The following GUCY1A2 variants were observed in gnomAD, a reference collection of about 807,000 sequenced individuals.
The protein encoded by GUCY1A2 is guanylate cyclase 1 soluble subunit alpha 2.
Under a neutral mutation model 63.5 loss-of-function variants are expected in GUCY1A2, and 27 were observed. That is an observed-to-expected ratio of 0.43 (90% CI 0.31 to 0.59). The LOEUF (loss-of-function observed/expected upper bound fraction) is 0.59. Ranked by LOEUF, GUCY1A2 falls within the 20% of genes least tolerant of loss-of-function variation. The probability of loss-of-function intolerance (pLI) is 0.11; values close to 1 mark genes in which losing one functional copy is unlikely to be tolerated. For missense variants in GUCY1A2, 768 were observed against 913.3 expected (o/e 0.84, Z 2.05); for synonymous variants, 364 against 343.5 (o/e 1.06, Z -0.66).
chr11:106,758,382 T>G (rs983518345), intron 6 of GUCY1A2, among the ~76,000 whole-genome samples: 1 of 152,138 alleles, frequency 6.6e-6, no homozygotes, highest in Non-Finnish European at 1.5e-5. Context: ...GAGTGTATCA[T>G]TCCTCCCAGT....
At chr11:106,996,286 C>A (rs951880217) in intron 1 of GUCY1A2, among the ~76,000 whole-genome samples, 3 of 152,150 alleles carry the variant, frequency 2.0e-5, no homozygotes, top group Non-Finnish European at 4.4e-5. Context: ...AACATTATAT[C>A]TAATACTGTT....
At chr11:106,866,463 T>C (rs1217117614) in intron 4 of GUCY1A2, among the ~76,000 whole-genome samples, 1 of 152,064 alleles carries the variant, frequency 6.6e-6, no homozygotes, top group Non-Finnish European at 1.5e-5. Context: ...TTTTAGTAAA[T>C]TGAAAGAGAT....
chr11:106,815,260 A>T (rs1858815782), intron 4 of GUCY1A2, among the ~76,000 whole-genome samples: 1 of 152,058 alleles, frequency 6.6e-6, no homozygotes, highest in Non-Finnish European at 1.5e-5. Context: ...AAATAGGCTG[A>T]AAAAAAGTTT....
Position 106,684,759 on chromosome 11 carries a change from C to CT in GUCY1A2, c.*2789dup, listed in dbSNP as rs1463783494. ...TCCCCAATTTAATATCATTTGGTTT[C>CT]TAAGGGAACATCACACAAATTTCTT... On this transcript the variant is annotated 3_prime_UTR_variant, in exon 8 of 8. Coordinates refer to ENST00000526355, the MANE Select transcript of GUCY1A2 (RefSeq NM_000855.3). 3.9e-5 allele frequency: 8 copies of CT among 205,872 alleles called. No individual in the cohort carries two copies. The highest frequency in any genetic ancestry group is 7.9e-5 in the Non-Finnish European group (8 of 100,708). 12.8% of individuals were successfully genotyped at this position (205,872 alleles called of 1,614,324 possible). A position where few individuals can be genotyped will look rare whatever the true frequency, so the allele number is the denominator to read the frequency against.
chr11:106,913,565 C>T (rs191913082), intron 4 of GUCY1A2, among the ~76,000 whole-genome samples: 1 of 152,230 alleles, frequency 6.6e-6, no homozygotes, highest in Admixed American at 6.6e-5. Context: ...CCCCATCTCC[C>T]AGCACTGCCA....
At chr11:106,919,204 A>G (rs1860408307) in intron 4 of GUCY1A2, among the ~76,000 whole-genome samples, 1 of 152,164 alleles carries the variant, frequency 6.6e-6, no homozygotes, top group Non-Finnish European at 1.5e-5. Context: ...GTTCAAAAAC[A>G]TGAAGAAACA....
At chr11:106,844,519 T>C (rs1859245387) in intron 4 of GUCY1A2, among the ~76,000 whole-genome samples, 1 of 151,752 alleles carries the variant, frequency 6.6e-6, no homozygotes, top group Non-Finnish European at 1.5e-5. Flanking sequence ...TTGGGTTTAT[T>C]ATTTTCATCT....
chr11:106,710,181 ATATATATAATATATAGT>A (rs1348324960), intron 6 of GUCY1A2, among the ~76,000 whole-genome samples: 5 of 88,840 alleles, frequency 5.6e-5, no homozygotes, highest in Middle Eastern at 0.014. Context: ...TAATATAGTT[ATATATATAATATATAGT>A]TATATATTAT....
At chr11:106,915,928 A>G (rs1386330357) in intron 4 of GUCY1A2, among the ~76,000 whole-genome samples, 1 of 144,250 alleles carries the variant, frequency 6.9e-6, no homozygotes, top group Non-Finnish European at 1.6e-5. Flanking sequence ...TATATACACA[A>G]CATTTTTATC....
chr11:106,773,820 T>C (rs1013618135), intron 6 of GUCY1A2, among the ~76,000 whole-genome samples: 10 of 152,234 alleles, frequency 6.6e-5, no homozygotes, highest in African/African-American at 2.2e-4. Context: ...TAATTTGTAG[T>C]TGTATTTTAA....
At chr11:106,952,841 T>A (rs1212515714) in intron 3 of GUCY1A2, among the ~76,000 whole-genome samples, 1 of 152,046 alleles carries the variant, frequency 6.6e-6, no homozygotes, top group Non-Finnish European at 1.5e-5. Context: ...GGTTTCACCA[T>A]GTTGGCCAGT....
chr11:106,993,406 A>T (rs1465932313), intron 1 of GUCY1A2, among the ~76,000 whole-genome samples: 1 of 152,216 alleles, frequency 6.6e-6, no homozygotes, highest in Admixed American at 6.5e-5. Flanking sequence ...AAATAATGTC[A>T]TTTCAAACAA....
chr11:106,791,698 C>T (rs1290257801), intron 5 of GUCY1A2, among the ~76,000 whole-genome samples: 1 of 152,112 alleles, frequency 6.6e-6, no homozygotes, highest in East Asian at 1.9e-4. Context: ...AAAAGGCCTC[C>T]CCTAGTCCCT....
intron 4 of GUCY1A2, among the ~76,000 whole-genome samples, chr11:106,860,969 A>AGG (rs1236422951): frequency 6.6e-6 from 1 of 152,028 alleles, no homozygotes; most frequent in African/African-American, 2.4e-5. Flanking sequence ...TATAAAGATA[A>AGG]ATTTTAAGAA....
chr11:106,756,070 C>A (rs11211896), intron 6 of GUCY1A2, among the ~76,000 whole-genome samples: 1 of 152,056 alleles, frequency 6.6e-6, no homozygotes, highest in African/African-American at 2.4e-5. Context: ...GTTAGCTCTT[C>A]TAGTTGCATT....
intron 4 of GUCY1A2, among the ~76,000 whole-genome samples, chr11:106,853,579 GT>G (rs1859385289): frequency 6.6e-6 from 1 of 151,892 alleles, no homozygotes; most frequent in Admixed American, 6.6e-5. Context: ...TTGCTTATCT[GT>G]GTTGTCTTGT....
At position 106,762,352 on chromosome 11, in the gene GUCY1A2, C is replaced by T. The variant is rs868028031; in HGVS notation, c.1836+14087G>A. 2.0e-4 allele frequency among the ~76,000 whole-genome samples: 31 copies of T among 152,158 alleles called. No homozygotes were observed. In the Middle Eastern group the frequency reaches 0.014, roughly 67 times the overall value. ...AATCATCCAAAGATATAATAGCTAT[C>T]ACTGCCACAACTAAATAAAGTTCTC... On this transcript the variant is annotated intron_variant, in intron 6 of 7. Coordinates refer to ENST00000526355, the MANE Select transcript of GUCY1A2 (RefSeq NM_000855.3).
At chr11:106,799,883 T>G (rs12797982) in intron 5 of GUCY1A2, among the ~76,000 whole-genome samples, 20,691 of 152,082 alleles carry the variant, frequency 0.14, 1,997 homozygotes, top group Non-Finnish European at 0.21. Context: ...AAGCCAAAAT[T>G]GACAAATGGG....
intron 4 of GUCY1A2, among the ~76,000 whole-genome samples, chr11:106,869,393 T>A (rs917559047): frequency 2.0e-5 from 3 of 151,950 alleles, no homozygotes; most frequent in African/African-American, 4.8e-5. Flanking sequence ...ATCTACAAAG[T>A]ACTCAAACAA....
Sources: gnomAD v4.1 joint callset for allele counts (sites outside exome capture counted in the v4.1 genomes callset) on GRCh38, gnomAD v4.1.1 for gene constraint, MANE v1.5 for transcripts, NCBI Gene and HGNC (gene_info 2026-07-23, HGNC 2026-07-21) for gene names.